Variants in SLC9A9 observed in about 807,000 individuals in gnomAD.
The protein encoded by SLC9A9 is solute carrier family 9 member A9.
Under a neutral mutation model 77.8 loss-of-function variants are expected in SLC9A9, and 62 were observed. The ratio of observed to expected loss-of-function variants is 0.80; its 90% confidence interval spans 0.65 to 0.98. SLC9A9 has a LOEUF of 0.98. SLC9A9 is among the 50% of genes least tolerant of loss of function. The pLI is 0.00. For synonymous variants in SLC9A9, 320 were observed against 283.5 expected, an observed-to-expected ratio of 1.13 and a Z score of -1.29; for missense variants, 775 against 774.9, an observed-to-expected ratio of 1.00 and a Z score of 0.00.
At chr3:143,803,804 C>A (rs143322317) in intron 2 of SLC9A9, among the ~76,000 whole-genome samples, 1 of 152,128 alleles carries the variant, frequency 6.6e-6, no homozygotes, top group South Asian at 2.1e-4. Flanking sequence ...CAGCTGTCCC[C>A]GCCTTACATA....
At chr3:143,645,802 G>A (rs968271190) in intron 6 of SLC9A9, among the ~76,000 whole-genome samples, 2 of 151,320 alleles carry the variant, frequency 1.3e-5, no homozygotes, top group African/African-American at 4.9e-5. Context: ...TGATGACATC[G>A]AATTTCCTTA....
Position 143,382,213 on chromosome 3 carries a change from A to T in SLC9A9, c.1470-99T>A. 5 of 1,300,742 alleles carry T rather than the reference A, an allele frequency of 3.8e-6. No homozygotes were observed. In the South Asian group the frequency reaches 5.9e-5, roughly 15 times the overall value. The allele number at this position is 1,300,742 out of a possible 1,614,324, so 80.6% of individuals were successfully genotyped here. A position where few individuals can be genotyped will look rare whatever the true frequency, so the allele number is the denominator to read the frequency against. ...CTAACCCAAACACAATGTGAATCTG[A>T]GAAAAGATTTGGCAGAAAACTATCC... On this transcript the variant is annotated intron_variant, in intron 12 of 15. Coordinates refer to ENST00000316549, the MANE Select transcript of SLC9A9 (RefSeq NM_173653.4).
chr3:143,346,364 G>A (rs2032273671), intron 14 of SLC9A9, among the ~76,000 whole-genome samples: 1 of 152,188 alleles, frequency 6.6e-6, no homozygotes, highest in Non-Finnish European at 1.5e-5. Flanking sequence ...AATAAAGGCT[G>A]AGCTAACTGC....
rs111573163 is a variant in SLC9A9 at position 143,397,508 on chromosome 3, G to A, written c.1470-15394C>T. Among the ~76,000 whole-genome samples, 794 of 152,320 alleles carry A rather than the reference G, an allele frequency of 5.2e-3. 3 individuals are homozygous for A. The highest frequency in any genetic ancestry group is 7.8e-3 in the Admixed American group (120 of 15,304). On this transcript the variant is annotated intron_variant, in intron 12 of 15. Transcript: ENST00000316549. ...AAATCCCAGACTCTCAGGGGTCTGA[G>A]CGAGAAGTGGAAAACCTAAAACCTG...
chr3:143,466,879 T>C (rs1367506006), intron 12 of SLC9A9, among the ~76,000 whole-genome samples, 158 bp downstream of exon 12: 2 of 152,222 alleles, frequency 1.3e-5, no homozygotes, highest in Non-Finnish European at 2.9e-5. Flanking sequence ...GTTGGTACTA[T>C]GTCATATTGT....
intron 2 of SLC9A9, 39 bp from the exon 3 acceptor site, chr3:143,796,942 C>T (rs376029520): frequency 6.7e-7 from 1 of 1,490,808 alleles, no homozygotes; most frequent in South Asian, 1.2e-5. Flanking sequence ...GAATGATGCT[C>T]CTTTGGGTCA....
At chr3:143,287,562 A>T (rs1938417034) in intron 14 of SLC9A9, among the ~76,000 whole-genome samples, 1 of 152,184 alleles carries the variant, frequency 6.6e-6, no homozygotes, top group Admixed American at 6.5e-5. Flanking sequence ...GTTCTGAGTT[A>T]TTCTAGCAAA....
chr3:143,731,303 T>G (rs1430995983), intron 4 of SLC9A9, among the ~76,000 whole-genome samples: 1 of 152,208 alleles, frequency 6.6e-6, no homozygotes, highest in Non-Finnish European at 1.5e-5. Context: ...AGGCCTCTGA[T>G]TCCCAAGTCT....
intron 12 of SLC9A9, among the ~76,000 whole-genome samples, chr3:143,466,528 C>T (rs556723576): frequency 9.2e-5 from 14 of 152,326 alleles, no homozygotes; most frequent in African/African-American, 3.4e-4. Context: ...AAGTGTCTAA[C>T]TTGTGTCTAT....
At chr3:143,711,352 G>A (rs1934188448) in intron 4 of SLC9A9, among the ~76,000 whole-genome samples, 1 of 151,782 alleles carries the variant, frequency 6.6e-6, no homozygotes, top group African/African-American at 2.4e-5. Context: ...ATCAAATATA[G>A]GAGAAACCAC....
In SLC9A9 at chr3:143,347,692, C is replaced by T. The variant is rs567536362; in HGVS notation, c.1604+15792G>A. On this transcript the variant is annotated intron_variant, in intron 14 of 15. Coordinates refer to ENST00000316549, the MANE Select transcript of SLC9A9 (RefSeq NM_173653.4). ...AACAAAAAGACCACCAATATTGTCC[C>T]CTGCCCCCACTCATCCACAGTTGTT... is the stretch of plus-strand genomic sequence containing the variant. 4.6e-5 allele frequency among the ~76,000 whole-genome samples: 7 copies of T among 152,230 alleles called. No individual in the cohort carries two copies. The South Asian group carries it at 1.2e-3, about 27-fold the overall frequency.
chr3:143,519,280 T>C (rs954624906), intron 9 of SLC9A9, among the ~76,000 whole-genome samples: 1 of 152,192 alleles, frequency 6.6e-6, no homozygotes, highest in Non-Finnish European at 1.5e-5. Context: ...AAGGTATCAC[T>C]GAAAGGAGGC....
At chr3:143,314,163 CA>C (rs1559863694) in intron 14 of SLC9A9, 1 of 152,262 alleles carries the variant, frequency 6.6e-6, no homozygotes, top group Non-Finnish European at 1.5e-5. Flanking sequence ...CCATCTCTAG[CA>C]GATGGCACTT....
At chr3:143,379,802 C>T (rs2033262683) in intron 13 of SLC9A9, among the ~76,000 whole-genome samples, 1 of 152,174 alleles carries the variant, frequency 6.6e-6, no homozygotes, top group South Asian at 2.1e-4. Flanking sequence ...TATGGTTTGA[C>T]TACAGTAAGT....
At chr3:143,286,952 G>A (rs949788991) in intron 14 of SLC9A9, among the ~76,000 whole-genome samples, 1 of 152,208 alleles carries the variant, frequency 6.6e-6, no homozygotes, top group Non-Finnish European at 1.5e-5. Context: ...CTCACGAGGT[G>A]TGCGTCAGCA....
intron 14 of SLC9A9, among the ~76,000 whole-genome samples, 158 bp downstream of exon 14, chr3:143,363,326 T>A (rs1322464635): frequency 6.6e-6 from 1 of 152,246 alleles, no homozygotes; most frequent in Non-Finnish European, 1.5e-5. Flanking sequence ...CCCTGCTTTT[T>A]ATTTTATGAA....
intron 6 of SLC9A9, among the ~76,000 whole-genome samples, chr3:143,603,241 TAGA>T (rs2037871545): frequency 6.6e-6 from 1 of 152,228 alleles, no homozygotes; most frequent in African/African-American, 2.4e-5. Context: ...TCTGAGATTC[TAGA>T]AGGACCATCT....
chr3:143,818,710 A>ACT (rs58483306), intron 2 of SLC9A9, among the ~76,000 whole-genome samples: 139,678 of 152,140 alleles, frequency 0.92, 64,688 homozygotes, highest in South Asian at 0.98. Flanking sequence ...GAGTTTTTTC[A>ACT]CTTTTCAAAA....
rs537380142 is a variant in SLC9A9 at position 143,452,662 on chromosome 3, CT to C, written c.1469+14374del. ...AAAATTTCTAGGTACAATAACTGTA[CT>C]TTGGTTATCTAAGAGAATGTCCTTA... On this transcript the variant is annotated intron_variant, in intron 12 of 15. Coordinates refer to ENST00000316549, the MANE Select transcript of SLC9A9 (RefSeq NM_173653.4). Among the ~76,000 whole-genome samples the C allele has an allele frequency of 4.2e-4, 64 of 151,996 alleles. 1 individual carries two copies. In the East Asian group the frequency reaches 0.011, roughly 26 times the overall value.
Sources: gnomAD v4.1 joint callset for allele counts (sites outside exome capture counted in the v4.1 genomes callset) on GRCh38, gnomAD v4.1.1 for gene constraint, MANE v1.5 for transcripts, NCBI Gene and HGNC (gene_info 2026-07-23, HGNC 2026-07-21) for gene names.